The following THSD7B variants were observed in gnomAD, a reference collection of about 807,000 sequenced individuals.
The protein encoded by THSD7B is thrombospondin type 1 domain containing 7B, also known as thrombospondin type-1 domain-containing protein 7B.
A neutral mutation model predicts 213.6 loss-of-function variants in THSD7B; 138 were observed. The ratio of observed to expected loss-of-function variants is 0.65; its 90% confidence interval spans 0.56 to 0.74. THSD7B has a LOEUF of 0.74. THSD7B is among the 30% of genes least tolerant of loss of function. The pLI, the probability that THSD7B is intolerant of heterozygous loss-of-function variation, is 0.00. For synonymous variants in THSD7B, 742 were observed against 687.0 expected (o/e 1.08, Z -1.25); for missense variants, 1,931 against 1,991.5 (o/e 0.97, Z 0.58).
chr2:137,283,134 T>A (rs1055679616), intron 12 of THSD7B, among the ~76,000 whole-genome samples: 15 of 152,160 alleles, frequency 9.9e-5, no homozygotes, highest in African/African-American at 3.6e-4. Context: ...CCCTTGTAAG[T>A]TGGATTCCTA....
chr2:137,443,450 A>G (rs1687462665), intron 14 of THSD7B, among the ~76,000 whole-genome samples: 1 of 152,158 alleles, frequency 6.6e-6, no homozygotes, highest in South Asian at 2.1e-4. Flanking sequence ...ATTTGTATAC[A>G]TTATTTGTAT....
At chr2:137,173,849 T>G (rs6430684) in intron 7 of THSD7B, among the ~76,000 whole-genome samples, 146,246 of 152,266 alleles carry the variant, frequency 0.96, 70,273 homozygotes, top group East Asian at 1. Flanking sequence ...TATTATCAGG[T>G]TTTTTCCATA....
intron 12 of THSD7B, among the ~76,000 whole-genome samples, chr2:137,303,006 T>G (rs1210095951): frequency 6.6e-6 from 1 of 152,096 alleles, no homozygotes; most frequent in African/African-American, 2.4e-5. Flanking sequence ...CTTCTTTATT[T>G]TATTATTTTT....
chr2:136,843,150 G>A (rs990936144), intron 1 of THSD7B, among the ~76,000 whole-genome samples: 1 of 131,284 alleles, frequency 7.6e-6, no homozygotes, highest in Non-Finnish European at 1.6e-5. Flanking sequence ...TTTTTCTTTC[G>A]TGAAACTTAA....
In THSD7B at chr2:137,124,356, ACTTACTG is replaced by A. The variant is rs1039025160; in HGVS notation, c.1369+9065_1369+9071del. ...CAAGTAGGATATAGAAGAAGTATCC[ACTTACTG>A]CCCAACTCTTCCTGCAAGAAAGTTT... is the stretch of plus-strand genomic sequence containing the variant. On this transcript the variant is annotated intron_variant, in intron 5 of 27. Transcript: ENST00000409968. Among the ~76,000 whole-genome samples, 8 of 152,216 alleles carry A rather than the reference ACTTACTG, an allele frequency of 5.3e-5. 1 individual carries two copies. The highest frequency in any genetic ancestry group is 1.2e-4 in the Non-Finnish European group (8 of 68,012).
At chr2:137,165,114 C>T (rs1159831652) in intron 6 of THSD7B, among the ~76,000 whole-genome samples, 1 of 152,184 alleles carries the variant, frequency 6.6e-6, no homozygotes, top group African/African-American at 2.4e-5. Flanking sequence ...ACTGTCCCCA[C>T]AGCCTCCTGC....
chr2:137,323,240 G>A (rs1684299752), intron 12 of THSD7B, among the ~76,000 whole-genome samples: 1 of 152,200 alleles, frequency 6.6e-6, no homozygotes, highest in South Asian at 2.1e-4. Flanking sequence ...AGACAGAGTA[G>A]ACTGGAATGA....
intron 3 of THSD7B, among the ~76,000 whole-genome samples, chr2:137,087,334 A>C (rs1316034696): frequency 1.3e-5 from 2 of 152,194 alleles, no homozygotes; most frequent in African/African-American, 4.8e-5. Context: ...CAGACAAAAG[A>C]ACTCAAGGCA....
chr2:137,318,342 T>C (rs1381061515), intron 12 of THSD7B, among the ~76,000 whole-genome samples: 1 of 152,192 alleles, frequency 6.6e-6, no homozygotes, highest in Admixed American at 6.5e-5. Flanking sequence ...CTGTCCAATG[T>C]TGCAGAAAAA....
At position 137,373,227 on chromosome 2, in the gene THSD7B, C is replaced by T. The variant is rs185505928; in HGVS notation, c.2501-32386C>T. On this transcript the variant is annotated intron_variant, in intron 12 of 27. Coordinates refer to ENST00000409968, the MANE Select transcript of THSD7B (RefSeq NM_001316349.2). ...GGTATATACCCAGTAATGGGACGGC[C>T]GGGTCAAATGGTATTTCTAGTTCTA... Among the ~76,000 whole-genome samples the T allele has an allele frequency of 9.5e-3, 1,452 of 152,098 alleles. 22 individuals are homozygous for T. The highest frequency in any genetic ancestry group is 0.033 in the African/African-American group (1,368 of 41,466).
chr2:137,387,293 A>G (rs1685918494), intron 12 of THSD7B, among the ~76,000 whole-genome samples: 1 of 152,154 alleles, frequency 6.6e-6, no homozygotes, highest in African/African-American at 2.4e-5. Context: ...CTTACCTCAA[A>G]CACCTGTTTC....
At chr2:137,149,823 A>G (rs905565044) in intron 5 of THSD7B, among the ~76,000 whole-genome samples, 12 of 152,154 alleles carry the variant, frequency 7.9e-5, no homozygotes, top group Non-Finnish European at 1.6e-4. Context: ...TTTTGATTTT[A>G]TAGGCTTATA....
At chr2:137,067,700 G>T (rs1312360763) in intron 3 of THSD7B, among the ~76,000 whole-genome samples, 1 of 151,948 alleles carries the variant, frequency 6.6e-6, no homozygotes, top group East Asian at 1.9e-4. Context: ...AGGCTAGAAG[G>T]GTATATGCCT....
At chr2:137,038,253 T>C (rs1686813098) in intron 2 of THSD7B, among the ~76,000 whole-genome samples, 1 of 152,228 alleles carries the variant, frequency 6.6e-6, no homozygotes, top group Non-Finnish European at 1.5e-5. Context: ...TTTGACGTTT[T>C]CTTGAAGAGA....
chr2:136,803,894 A>C (rs1167063784), intron 1 of THSD7B, among the ~76,000 whole-genome samples: 2 of 152,106 alleles, frequency 1.3e-5, no homozygotes, highest in Non-Finnish European at 2.9e-5. Flanking sequence ...GAGGAAATTC[A>C]CCCTTCCTCT....
rs182931802 is a variant in THSD7B, at chr2:137,619,658, T to C, written c.3682-951T>C. Among the ~76,000 whole-genome samples, 243 of 152,362 alleles carry C rather than the reference T, an allele frequency of 1.6e-3. 1 individual carries two copies. Among genetic ancestry groups the C allele is most frequent in the Admixed American group, 3.5e-3 (53 of 15,308 alleles). On this transcript the variant is annotated intron_variant, in intron 19 of 27. Coordinates refer to ENST00000409968, the MANE Select transcript of THSD7B (RefSeq NM_001316349.2). ...AGTGTATGTAATGAGTATTTTCTTT[T>C]GATACAAAAAGATATAAACTATTCA...
At chr2:137,167,926 A>G (rs187007764) in intron 6 of THSD7B, among the ~76,000 whole-genome samples, 8 of 152,190 alleles carry the variant, frequency 5.3e-5, no homozygotes, top group Admixed American at 5.2e-4. Context: ...GCCGACTTTA[A>G]TCTTTTCTTG....
At chr2:137,493,659 C>A (rs1303007972) in intron 15 of THSD7B, among the ~76,000 whole-genome samples, 1 of 152,234 alleles carries the variant, frequency 6.6e-6, no homozygotes, top group East Asian at 1.9e-4. Flanking sequence ...AACAAAGCCA[C>A]TGCAGATATA....
chr2:136,971,207 A>C (rs377432983), intron 2 of THSD7B, among the ~76,000 whole-genome samples: 22 of 152,294 alleles, frequency 1.4e-4, no homozygotes, highest in East Asian at 1.2e-3. Flanking sequence ...CTAGTTCCAA[A>C]AACGAGTACC....
Sources: allele counts gnomAD v4.1 joint callset (sites outside exome capture counted in the v4.1 genomes callset), GRCh38; gene constraint gnomAD v4.1.1; transcripts MANE v1.5; gene names NCBI Gene and HGNC (gene_info 2026-07-23, HGNC 2026-07-21).